The following SYNE1 variants were observed in gnomAD, a reference collection of about 807,000 sequenced individuals.
SYNE1 encodes the protein spectrin repeat containing nuclear envelope protein 1.
In SYNE1, 616 loss-of-function variants were observed where a neutral mutation model predicts 1,111.0. The observed-to-expected ratio is 0.55, with a 90% CI of 0.52 to 0.59. The LOEUF (loss-of-function observed/expected upper bound fraction) is 0.59. Among genes scored for constraint, SYNE1 ranks in the 20% least tolerant of loss-of-function variants. The probability of loss-of-function intolerance (pLI) is 0.00; values close to 1 mark genes in which losing one functional copy is unlikely to be tolerated. For synonymous variants in SYNE1, 3,855 were observed against 3,825.8 expected, an observed-to-expected ratio of 1.01 and a Z score of -0.28; for missense variants, 10,006 against 10,417.0, an observed-to-expected ratio of 0.96 and a Z score of 1.72.
At chr6:152,182,748 C>G (rs1294833636) in intron 128 of SYNE1, among the ~76,000 whole-genome samples, 1 of 152,180 alleles carries the variant, frequency 6.6e-6, no homozygotes, top group African/African-American at 2.4e-5. Flanking sequence ...GGATACGTAT[C>G]CCAAGGCCAG....
In SYNE1 at chr6:152,385,794, C is replaced by T. The variant is rs794727764; in HGVS notation, c.8532G>A (p.Met2844Ile). Residue 2844 changes from methionine (M) to isoleucine (I), a missense_variant, in exon 55 of 146, where the codon ATG becomes ATA. Met to Ile is a conservative substitution (Grantham distance 10). This residue lies in a region of SYNE1 where 4,955 missense variants were observed against 5,017.2 expected (regional missense o/e 0.99). Coordinates refer to ENST00000367255, the MANE Select transcript of SYNE1 (RefSeq NM_182961.4). ...TGAACTCGTGGACCGCATCTAAATA[C>T]ATTAGATGATCTTTCACAATCTCTT... ...KVEEIVKDHLMYLDAVHEFTD... is the reference protein window; with the variant it reads ...KVEEIVKDHLIYLDAVHEFTD... The T allele has an allele frequency of 6.4e-5, 104 of 1,614,024 alleles. No homozygotes were observed. Among genetic ancestry groups the T allele is most frequent in the Non-Finnish European group, 8.6e-5 (102 of 1,179,920 alleles).
At chr6:152,189,735 T>C (rs1290772709) in intron 127 of SYNE1, among the ~76,000 whole-genome samples, 1 of 152,266 alleles carries the variant, frequency 6.6e-6, no homozygotes, top group African/African-American at 2.4e-5. Context: ...AAATACTTTA[T>C]TGTTTAAAAA....
intron 56 of SYNE1, among the ~76,000 whole-genome samples, chr6:152,377,608 T>TAAAAAA (rs869031827): frequency 6.4e-5 from 2 of 31,368 alleles, no homozygotes; most frequent in Non-Finnish European, 1.2e-4. Context: ...AACTCCGTCT[T>TAAAAAA]AAAAAAAAAA....
chr6:152,321,660 T>C (rs540007312), intron 83 of SYNE1, 61 bp downstream of exon 83: 1 of 1,600,446 alleles, frequency 6.2e-7, no homozygotes, highest in Non-Finnish European at 8.6e-7. Context: ...TATGTTCAAC[T>C]AAAATCAGGG....
At chr6:152,464,607 T>G (rs2154268934) in intron 18 of SYNE1, among the ~76,000 whole-genome samples, 1 of 152,310 alleles carries the variant, frequency 6.6e-6, no homozygotes, top group East Asian at 1.9e-4. Flanking sequence ...AATGCATGCA[T>G]TTTTAGTATC....
chr6:152,154,955 A>G lies in SYNE1; in HGVS notation c.24066T>C (p.Ala8022=). The G allele has an allele frequency of 1.9e-6, 3 of 1,614,234 alleles. No homozygotes were observed. Among genetic ancestry groups the G allele is most frequent in the Non-Finnish European group, 2.5e-6 (3 of 1,180,034 alleles). Residue 8022 remains alanine (A), a synonymous_variant, in exon 133 of 146, where the codon GCT becomes GCC. Coordinates refer to ENST00000367255, the MANE Select transcript of SYNE1 (RefSeq NM_182961.4). ...EDWLKSSERT[A]AFPSSSGVIY... ...TCACCCCAGAAGAGCTGGGAAAAGC[A>G]GCTGTCCTTTCTGAAGACTTCAGCC...
chr6:152,540,580 A>G (rs76495394), intron 3 of SYNE1, among the ~76,000 whole-genome samples: 3,354 of 152,322 alleles, frequency 0.022, 147 homozygotes, highest in African/African-American at 0.076. Context: ...TGGAGTCCCC[A>G]TTTTTGTGTC....
chr6:152,300,295 G>A (rs186983254), intron 93 of SYNE1, among the ~76,000 whole-genome samples: 44 of 152,224 alleles, frequency 2.9e-4, no homozygotes, highest in East Asian at 1.7e-3. Context: ...ATCGAATCAC[G>A]TTATTTTACA....
At chr6:152,215,422 GTAT>G (rs2078400212) in intron 121 of SYNE1, among the ~76,000 whole-genome samples, 1 of 151,774 alleles carries the variant, frequency 6.6e-6, no homozygotes. Context: ...TTTATTACGT[GTAT>G]TATATTACAT....
At chr6:152,482,986 T>C (rs2098916930) in intron 14 of SYNE1, 99 bp downstream of exon 14, 1 of 1,333,452 alleles carries the variant, frequency 7.5e-7, no homozygotes, top group Admixed American at 1.7e-5. Context: ...GTAGAATTAA[T>C]ATTTGGGGCG....
chr6:152,446,995 T>C (rs770038526), intron 29 of SYNE1, among the ~76,000 whole-genome samples: 5 of 152,198 alleles, frequency 3.3e-5, no homozygotes, highest in Non-Finnish European at 7.3e-5. Flanking sequence ...TTCATGATAC[T>C]TCTTTTTAGA....
At chr6:152,254,806 AAC>A (rs2090423516) in intron 104 of SYNE1, 72 bp downstream of exon 104, 1 of 1,350,484 alleles carries the variant, frequency 7.4e-7, no homozygotes, top group Non-Finnish European at 1.0e-6. Context: ...CCAGGTCTGT[AAC>A]ACAGACTCGT....
At chr6:152,251,081 C>T (rs756938827) in intron 104 of SYNE1, among the ~76,000 whole-genome samples, 1 of 152,064 alleles carries the variant, frequency 6.6e-6, no homozygotes, top group African/African-American at 2.4e-5. Flanking sequence ...TCCCAAGTAG[C>T]TGGGACTATA....
chr6:152,152,054 C>A lies in SYNE1; in HGVS notation c.24217G>T (p.Asp8073Tyr). ...ATCTGTTTGAGGCTACATGCTGAAT[C>A]AGTGCGGTTCTCCCTGGCCAGGCGG... ...YRRLARENRT[D>Y]SACSLKQMVH... Residue 8073 changes from aspartate to tyrosine, a missense_variant, in exon 134 of 146, where the codon GAT becomes TAT. This residue lies in a region of SYNE1 where 2,182 missense variants were observed against 2,287.8 expected (regional missense o/e 0.95). Transcript: ENST00000367255. 6.2e-7 allele frequency: 1 copy of A among 1,614,182 alleles called. No individual in the cohort carries two copies. Among genetic ancestry groups the A allele is most frequent in the African/African-American group, 1.3e-5 (1 of 75,034 alleles).
At position 152,323,783 on chromosome 6, in the gene SYNE1, G is replaced by GA. The variant is rs772211338; in HGVS notation, c.15658-47dup. On this transcript the variant is annotated intron_variant, in intron 81 of 145. Coordinates refer to ENST00000367255, the MANE Select transcript of SYNE1 (RefSeq NM_182961.4). ...TATGAAGTTCAATAATAAATAAACT[G>GA]AAAAAAATAGGGTAACTCCCATAAA... 82 of 1,603,190 alleles carry GA rather than the reference G, an allele frequency of 5.1e-5. No homozygotes were observed. In the African/African-American group the frequency reaches 9.1e-4, roughly 18 times the overall value.
chr6:152,430,649 G>T lies in SYNE1; in HGVS notation c.4522C>A (p.Gln1508Lys), dbSNP rs1289081599. The change falls in exon 35 of 146, where the codon CAG (glutamine) becomes AAG (lysine). Residue 1508 changes from glutamine to lysine, a missense_variant. Gln to Lys is a moderately conservative substitution (Grantham distance 53, BLOSUM62 1). Coordinates refer to ENST00000367255, the MANE Select transcript of SYNE1 (RefSeq NM_182961.4). ...GTGGTAACAAACTGAGCAAAAGACT[G>T]GGCTTCTTCTTCTAATCCTACAATG... The part of the protein sequence containing the change: ...SSIVGLEEEA[Q>K]SFAQFVTTGE... 1.9e-6 allele frequency: 3 copies of T among 1,614,094 alleles called. No individual in the cohort carries two copies. The highest frequency in any genetic ancestry group is 1.3e-5 in the African/African-American group (1 of 75,032).
At chr6:152,620,754 T>C (rs544372896) in intron 3 of SYNE1, among the ~76,000 whole-genome samples, 2 of 152,180 alleles carry the variant, frequency 1.3e-5, no homozygotes, top group African/African-American at 4.8e-5. Flanking sequence ...CTTCCCCCAT[T>C]GAAAATAAAT....
chr6:152,249,257 A>G lies in SYNE1; in HGVS notation c.19476T>C (p.Asp6492=). The G allele has an allele frequency of 1.2e-6, 2 of 1,607,096 alleles. No individual in the cohort carries two copies. Among genetic ancestry groups the G allele is most frequent in the African/African-American group, 1.3e-5 (1 of 74,926 alleles). The change falls in exon 105 of 146, where the codon GAT becomes GAC. Residue 6492 remains aspartate, a synonymous_variant. Coordinates refer to ENST00000367255, the MANE Select transcript of SYNE1 (RefSeq NM_182961.4). ...RLQQILNFQN[D]LKVLFTSLAD... ...CCAGTGATGTAAACAGCACTTTCAGATCATTCTAAGGAGGAAAGCAACGGG... is the reference window on the plus strand; with the variant it reads ...CCAGTGATGTAAACAGCACTTTCAGGTCATTCTAAGGAGGAAAGCAACGGG...
intron 22 of SYNE1, among the ~76,000 whole-genome samples, chr6:152,457,991 A>G (rs2098707138): frequency 6.6e-6 from 1 of 151,050 alleles, no homozygotes; most frequent in Non-Finnish European, 1.5e-5. Context: ...TATAAAATTT[A>G]TATATATTTA....
Sources: gnomAD v4.1 joint callset for allele counts (sites outside exome capture counted in the v4.1 genomes callset) on GRCh38, gnomAD v4.1.1 for gene constraint, gnomAD v4.1.1 regional missense constraint, MANE v1.5 for transcripts, NCBI Gene and HGNC (gene_info 2026-07-23, HGNC 2026-07-21) for gene names.